The following KCNH1 variants were observed in gnomAD, a reference collection of about 807,000 sequenced individuals.
KCNH1 encodes potassium voltage-gated channel subfamily H member 1.
A neutral mutation model predicts 69.2 loss-of-function variants in KCNH1; 27 were observed. The ratio of observed to expected loss-of-function variants is 0.39; its 90% confidence interval spans 0.29 to 0.54. The LOEUF (loss-of-function observed/expected upper bound fraction) is 0.54, where lower values mean the gene tolerates loss of function less well. Ranked by LOEUF, KCNH1 falls within the 20% of genes least tolerant of loss-of-function variation. The pLI, the probability that KCNH1 is intolerant of heterozygous loss-of-function variation, is 0.68. For missense variants in KCNH1, 798 were observed against 1,261.6 expected (o/e 0.63, Z 5.57); for synonymous variants, 456 against 487.7 (o/e 0.93, Z 0.86).
At position 211,032,971 on chromosome 1, in the gene KCNH1, G is replaced by A. The variant is rs1689818322; in HGVS notation, c.559-13715C>T. Among the ~76,000 whole-genome samples, 4 of 152,104 alleles carry A rather than the reference G, an allele frequency of 2.6e-5. No individual in the cohort carries two copies. The South Asian group carries it at 8.3e-4, about 32-fold the overall frequency. ...AAAGAAACTATCATCAGAGTGAACA[G>A]GCAACCTACAGAGTGGGAGAACATT... is the stretch of plus-strand genomic sequence containing the variant. On this transcript the variant is annotated intron_variant, in intron 5 of 10. Coordinates refer to ENST00000271751, the MANE Select transcript of KCNH1 (RefSeq NM_172362.3).
At chr1:210,700,294 TG>T (rs1681742149) in intron 10 of KCNH1, among the ~76,000 whole-genome samples, 1 of 152,228 alleles carries the variant, frequency 6.6e-6, no homozygotes, top group South Asian at 2.1e-4. Context: ...AGATAATTAC[TG>T]CCTACTGACA....
intron 9 of KCNH1, among the ~76,000 whole-genome samples, chr1:210,785,785 C>T (rs1684088667): frequency 6.6e-6 from 1 of 152,072 alleles, no homozygotes; most frequent in Non-Finnish European, 1.5e-5. Context: ...TAGACCAGCC[C>T]TTTGCTCTCT....
At chr1:211,004,137 A>G (rs1571570873) in intron 6 of KCNH1, among the ~76,000 whole-genome samples, 1 of 152,260 alleles carries the variant, frequency 6.6e-6, no homozygotes, top group East Asian at 1.9e-4. Context: ...CATGAATCCA[A>G]TCACACCAGT....
intron 7 of KCNH1, among the ~76,000 whole-genome samples, chr1:210,821,726 T>C (rs1038858692): frequency 6.6e-6 from 1 of 152,262 alleles, no homozygotes; most frequent in Middle Eastern, 3.4e-3. Flanking sequence ...TCTTTGGAAA[T>C]TGAAGCTGTA....
intron 6 of KCNH1, among the ~76,000 whole-genome samples, chr1:210,929,036 A>T (rs891177848): frequency 6.6e-6 from 1 of 152,120 alleles, no homozygotes; most frequent in Non-Finnish European, 1.5e-5. Flanking sequence ...GAAATAATTT[A>T]AAAATTTCTG....
chr1:210,683,890 C>A lies in KCNH1; in HGVS notation c.2361G>T (p.Val787=). ...SANHSLVKAS[V]VTVRESPATP... is the part of the protein sequence containing the mutation. ...TGGCAGGACTCTCACGCACGGTGACCACGCTGGCCTTCACGAGGCTGTGGT... is the reference window on the plus strand; with the variant it reads ...TGGCAGGACTCTCACGCACGGTGACAACGCTGGCCTTCACGAGGCTGTGGT... Residue 787 remains valine, a synonymous_variant, in exon 11 of 11, where the codon GTG becomes GTT. Coordinates refer to ENST00000271751, the MANE Select transcript of KCNH1 (RefSeq NM_172362.3). This position sits in a 1 kb window ranked among gnomAD's most constrained non-coding sequence, Gnocchi z 5.7. 2 of 1,613,890 alleles carry A rather than the reference C, an allele frequency of 1.2e-6. No individual in the cohort carries two copies. The highest frequency in any genetic ancestry group is 1.7e-6 in the Non-Finnish European group (2 of 1,179,768).
Position 210,722,211 on chromosome 1 carries a change from T to G in KCNH1, c.2113-38073A>C, listed in dbSNP as rs1408493386. Among the ~76,000 whole-genome samples, 3 of 152,118 alleles carry G rather than the reference T, an allele frequency of 2.0e-5. No individual in the cohort carries two copies. The East Asian group carries it at 5.8e-4, about 29-fold the overall frequency. On this transcript the variant is annotated intron_variant, in intron 10 of 10. Coordinates refer to ENST00000271751, the MANE Select transcript of KCNH1 (RefSeq NM_172362.3). Reference sequence around the variant, plus strand: ...ATTCTATGAATAGGGATAAGAAGGATCTGTTCTGTGTTACTTTGTAGGGCT... The same window carrying G: ...ATTCTATGAATAGGGATAAGAAGGAGCTGTTCTGTGTTACTTTGTAGGGCT...
At chr1:210,702,481 TCTG>T (rs1681806261) in intron 10 of KCNH1, among the ~76,000 whole-genome samples, 1 of 152,256 alleles carries the variant, frequency 6.6e-6, no homozygotes, top group Non-Finnish European at 1.5e-5. Flanking sequence ...TTTTAAATTT[TCTG>T]CTATCTTATT....
intron 4 of KCNH1, 119 bp downstream of exon 4, chr1:211,090,441 TAA>T: frequency 1.2e-6 from 1 of 838,724 alleles, no homozygotes; most frequent in Non-Finnish European, 1.8e-6. Context: ...CTATACAAAT[TAA>T]AGTTAGAATC....
chr1:210,785,870 G>A (rs1019202026), intron 9 of KCNH1, among the ~76,000 whole-genome samples: 4 of 152,134 alleles, frequency 2.6e-5, no homozygotes, highest in East Asian at 1.9e-4. Context: ...GAGCAGACCC[G>A]CATAGGAAGA....
At chr1:210,769,323 C>T (rs1278050599) in intron 10 of KCNH1, among the ~76,000 whole-genome samples, 1 of 152,178 alleles carries the variant, frequency 6.6e-6, no homozygotes, top group Non-Finnish European at 1.5e-5. Flanking sequence ...ATCTTCTCTT[C>T]TCCAGAATAA....
At chr1:210,692,424 A>G (rs977610626) in intron 10 of KCNH1, among the ~76,000 whole-genome samples, 8 of 152,144 alleles carry the variant, frequency 5.3e-5, no homozygotes, top group African/African-American at 1.7e-4. Context: ...CTGCTGTGCA[A>G]GAGTTGCTAT....
intron 9 of KCNH1, among the ~76,000 whole-genome samples, chr1:210,787,863 A>G (rs1452070537): frequency 6.6e-6 from 1 of 152,228 alleles, no homozygotes; most frequent in Non-Finnish European, 1.5e-5. Flanking sequence ...TCACCCAAAT[A>G]TGGGTCAACA....
chr1:211,103,822 C>T (rs1691306176), intron 2 of KCNH1, among the ~76,000 whole-genome samples: 5 of 152,154 alleles, frequency 3.3e-5, no homozygotes, highest in Admixed American at 3.3e-4. Flanking sequence ...GAGATACACA[C>T]CATAAAACAG....
At chr1:211,028,448 A>G (rs1464340451) in intron 5 of KCNH1, among the ~76,000 whole-genome samples, 1 of 151,652 alleles carries the variant, frequency 6.6e-6, no homozygotes, top group Non-Finnish European at 1.5e-5. Context: ...GGAAGGAAAT[A>G]ATAATGAACA....
chr1:210,934,501 T>C (rs1323810438), intron 6 of KCNH1, among the ~76,000 whole-genome samples: 1 of 152,098 alleles, frequency 6.6e-6, no homozygotes, highest in African/African-American at 2.4e-5. Context: ...TAGCTGGGCA[T>C]GGTGGCTTGC....
intron 5 of KCNH1, among the ~76,000 whole-genome samples, chr1:211,034,750 A>T (rs1300041897): frequency 1.3e-5 from 2 of 152,194 alleles, no homozygotes. Context: ...AAAGGGAGGC[A>T]AGTTATACAG....
chr1:211,060,950 C>T (rs878961657), intron 5 of KCNH1, among the ~76,000 whole-genome samples: 1 of 152,138 alleles, frequency 6.6e-6, no homozygotes, highest in South Asian at 2.1e-4. Flanking sequence ...TACTTCCAAA[C>T]TCATTCTACA....
chr1:210,884,594 C>G (rs1686564050), intron 7 of KCNH1, among the ~76,000 whole-genome samples: 1 of 152,164 alleles, frequency 6.6e-6, no homozygotes, highest in South Asian at 2.1e-4. Context: ...GATTACTCCC[C>G]ATGTACTTTT....
Sources: allele counts gnomAD v4.1 joint callset (sites outside exome capture counted in the v4.1 genomes callset), GRCh38; gene constraint gnomAD v4.1.1; non-coding constraint Gnocchi (gnomAD v3.1); transcripts MANE v1.5; gene names NCBI Gene and HGNC (gene_info 2026-07-23, HGNC 2026-07-21).